MBTD1: variants seen among roughly 807,000 people sequenced by gnomAD.
MBTD1 encodes mbt domain containing 1, also known as MBT domain-containing protein 1.
In MBTD1, 24 loss-of-function variants were observed where a neutral mutation model predicts 87.8. The observed-to-expected ratio is 0.27, with a 90% CI of 0.20 to 0.38. The LOEUF (loss-of-function observed/expected upper bound fraction) is 0.38, where lower values mean the gene tolerates loss of function less well. Ranked by LOEUF, MBTD1 falls within the 10% of genes least tolerant of loss-of-function variation. The probability of loss-of-function intolerance (pLI) is 1.00; values close to 1 mark genes in which losing one functional copy is unlikely to be tolerated. For synonymous variants in MBTD1, 237 were observed against 248.6 expected, an observed-to-expected ratio of 0.95 and a Z score of 0.44; for missense variants, 436 against 760.2, an observed-to-expected ratio of 0.57 and a Z score of 5.02.
intron 16 of MBTD1, among the ~76,000 whole-genome samples, chr17:51,190,721 CAAAAAAAA>C (rs1165717944): frequency 3.4e-4 from 12 of 35,150 alleles, no homozygotes; most frequent in Admixed American, 5.7e-4. Flanking sequence ...GACTCTGTCT[CAAAAAAAA>C]AAAAAAAAAA....
Position 51,241,812 on chromosome 17 carries a change from C to T in MBTD1, c.-48-16603G>A, listed in dbSNP as rs555096454. On this transcript the variant is annotated intron_variant, in intron 2 of 16. Transcript: ENST00000586178. ...AACTCCTGACTTCAACTGATCTGCC[C>T]GCCTTGGCTTCGCAAAGTGCTAGGA... Among the ~76,000 whole-genome samples, 10 of 152,248 alleles carry T rather than the reference C, an allele frequency of 6.6e-5. No individual in the cohort carries two copies. The South Asian group carries it at 1.0e-3, about 16-fold the overall frequency.
Position 51,206,833 on chromosome 17 carries a change from G to A in MBTD1, c.604+55C>T, listed in dbSNP as rs575556526. On this transcript the variant is annotated intron_variant, in intron 7 of 16. Coordinates refer to ENST00000586178, the MANE Select transcript of MBTD1 (RefSeq NM_017643.3). ...AAATTTATAAACATGCTTTTTTTAC[G>A]AAAGGTTACAAGGATCTCTGCATTT... is the stretch of plus-strand genomic sequence containing the variant. 1.2e-4 allele frequency: 146 copies of A among 1,181,074 alleles called. No individual in the cohort carries two copies. In the African/African-American group the frequency reaches 1.8e-3, roughly 15 times the overall value. 73.2% of individuals were successfully genotyped at this position (1,181,074 alleles called of 1,614,324 possible). A position where few individuals can be genotyped will look rare whatever the true frequency, so the allele number is the denominator to read the frequency against.
chr17:51,260,554 T>G, upstream of MBTD1: 1 of 1,594,460 alleles, frequency 6.3e-7, no homozygotes, highest in South Asian at 1.1e-5. Flanking sequence ...AGGTTCCACG[T>G]GAGCGCCTGC....
intron 2 of MBTD1, among the ~76,000 whole-genome samples, chr17:51,241,570 G>A (rs1271772674): frequency 6.6e-6 from 1 of 151,712 alleles, no homozygotes; most frequent in Non-Finnish European, 1.5e-5. Flanking sequence ...ATTTTTCAAT[G>A]TTGTATTTTT....
chr17:51,235,443 A>T (rs2053779424), intron 2 of MBTD1, among the ~76,000 whole-genome samples: 1 of 152,218 alleles, frequency 6.6e-6, no homozygotes, highest in Non-Finnish European at 1.5e-5. Context: ...CAGCTAGATG[A>T]AAATATTGTT....
intron 15 of MBTD1, 191 bp from the exon 16 acceptor site, chr17:51,192,471 C>T: frequency 9.5e-6 from 6 of 629,146 alleles, no homozygotes; most frequent in Non-Finnish European, 1.6e-5. Flanking sequence ...ACTATTTACT[C>T]AAAAGCATTT....
At chr17:51,236,035 G>A (rs963286606) in intron 2 of MBTD1, among the ~76,000 whole-genome samples, 6 of 152,048 alleles carry the variant, frequency 3.9e-5, no homozygotes, top group African/African-American at 1.4e-4. Context: ...GTCTATTTAT[G>A]GGTATATATG....
intron 1 of MBTD1, 73 bp from the exon 2 acceptor site, chr17:51,259,279 T>A: frequency 8.1e-7 from 1 of 1,231,042 alleles, no homozygotes; most frequent in Non-Finnish European, 1.0e-6. Flanking sequence ...TGAAACCCTT[T>A]TAAATATGCA....
intron 2 of MBTD1, among the ~76,000 whole-genome samples, chr17:51,227,270 T>A: frequency 7.1e-6 from 1 of 141,674 alleles, no homozygotes. Flanking sequence ...AAAAAAAAAT[T>A]GCTTTGCTGG....
chr17:51,189,349 T>C (rs935677913), intron 16 of MBTD1, among the ~76,000 whole-genome samples: 1 of 152,188 alleles, frequency 6.6e-6, no homozygotes, highest in African/African-American at 2.4e-5. Context: ...TTAAAGGTAG[T>C]AGAGATGATG....
At position 51,205,006 on chromosome 17, in the gene MBTD1, G is replaced by T. The variant is rs189702167; in HGVS notation, c.605-1081C>A. On this transcript the variant is annotated intron_variant, in intron 7 of 16. Transcript: ENST00000586178. ...TAAAAACTATGTCTTAGGCAAATAG[G>T]AAGGCTTACTCTTGGAAAGTACAAA... 4.7e-3 allele frequency among the ~76,000 whole-genome samples: 719 copies of T among 152,252 alleles called. 3 individuals are homozygous for T. The highest frequency in any genetic ancestry group is 7.4e-3 in the Non-Finnish European group (506 of 68,020).
chr17:51,190,721 CAAAAAAAAAAAAAA>C (rs1165717944), intron 16 of MBTD1, among the ~76,000 whole-genome samples: 2 of 35,172 alleles, frequency 5.7e-5, no homozygotes, highest in Admixed American at 5.7e-4. Context: ...GACTCTGTCT[CAAAAAAAAAAAAAA>C]AAAAAAAAAA....
intron 2 of MBTD1, among the ~76,000 whole-genome samples, chr17:51,243,564 T>C (rs1464057244): frequency 6.6e-6 from 1 of 152,222 alleles, no homozygotes; most frequent in Non-Finnish European, 1.5e-5. Flanking sequence ...TATATGATAC[T>C]TTTCCCTAAT....
intron 15 of MBTD1, chr17:51,192,487 C>T: frequency 1.6e-6 from 1 of 627,632 alleles, no homozygotes; most frequent in Non-Finnish European, 2.7e-6. Context: ...CATTTATTAC[C>T]TACCAATAAA....
Position 51,179,482 on chromosome 17 carries a change from T to TTATATATATATATATA in MBTD1, c.*1093_*1094insTATATATATATATATA, listed in dbSNP as rs1491325264. On this transcript the variant is annotated 3_prime_UTR_variant, in exon 17 of 17. Transcript: ENST00000586178. ...AAATCCTGAATACAATTAAAGACAA[T>TTATATATATATATATA]TTTATATATATATATATATATATAT... 279 of 31,634 alleles carry TTATATATATATATATA rather than the reference T, an allele frequency of 8.8e-3. 17 individuals carry two copies. Among genetic ancestry groups the TTATATATATATATATA allele is most frequent in the African/African-American group, 0.039 (223 of 5,712 alleles). 2.0% of individuals were successfully genotyped at this position (31,634 alleles called of 1,614,324 possible). A position where few individuals can be genotyped will look rare whatever the true frequency, so the allele number is the denominator to read the frequency against.
intron 2 of MBTD1, among the ~76,000 whole-genome samples, chr17:51,252,224 T>A (rs79758347): frequency 6.6e-6 from 1 of 152,174 alleles, no homozygotes; most frequent in Non-Finnish European, 1.5e-5. Context: ...GTGGCCCAAA[T>A]AGGCTAAGCA....
At chr17:51,205,218 C>A (rs566430146) in intron 7 of MBTD1, among the ~76,000 whole-genome samples, 3 of 152,210 alleles carry the variant, frequency 2.0e-5, no homozygotes, top group Admixed American at 2.0e-4. Flanking sequence ...TTTTAAAATT[C>A]AATAATTTCT....
chr17:51,248,682 T>C (rs1405055944), intron 2 of MBTD1, among the ~76,000 whole-genome samples: 1 of 152,246 alleles, frequency 6.6e-6, no homozygotes, highest in Non-Finnish European at 1.5e-5. Context: ...GATTCATTCA[T>C]GTTACATGTA....
intron 3 of MBTD1, among the ~76,000 whole-genome samples, chr17:51,222,190 T>C (rs2052942544): frequency 6.6e-6 from 1 of 152,234 alleles, no homozygotes; most frequent in African/African-American, 2.4e-5. Flanking sequence ...TCATCTGCTA[T>C]CTCCAGTATT....
Sources: gnomAD v4.1 joint callset for allele counts (sites outside exome capture counted in the v4.1 genomes callset) on GRCh38, gnomAD v4.1.1 for gene constraint, MANE v1.5 for transcripts, NCBI Gene and HGNC (gene_info 2026-07-23, HGNC 2026-07-21) for gene names.